The following HGD variants were observed in gnomAD, a reference collection of about 807,000 sequenced individuals.
HGD encodes the protein homogentisate oxidase.
HGD carries 61 observed loss-of-function variants against 60.8 expected under a neutral mutation model. That is an observed-to-expected ratio of 1.00 (90% CI 0.82 to 1.24). The LOEUF (loss-of-function observed/expected upper bound fraction) is 1.24, where lower values mean the gene tolerates loss of function less well. Among genes scored for constraint, HGD ranks in the 50% most tolerant of loss-of-function variants. The probability of loss-of-function intolerance (pLI) is 0.00; values close to 1 mark genes in which losing one functional copy is unlikely to be tolerated. For synonymous variants in HGD, 212 were observed against 187.7 expected (o/e 1.13, Z -1.06); for missense variants, 542 against 547.1 (o/e 0.99, Z 0.09).
intron 4 of HGD, among the ~76,000 whole-genome samples, chr3:120,664,373 ACTTTT>A (rs996835925): frequency 4.0e-5 from 6 of 149,570 alleles, no homozygotes; most frequent in East Asian, 2.0e-4. Flanking sequence ...GTAAAGATTA[ACTTTT>A]CTTTTCTCTT....
chr3:120,680,635 A>G (rs1268302808), intron 1 of HGD, among the ~76,000 whole-genome samples: 2 of 152,164 alleles, frequency 1.3e-5, no homozygotes, highest in Non-Finnish European at 2.9e-5. Flanking sequence ...TTCAACTCCT[A>G]CCACTGACAT....
chr3:120,670,267 A>C, intron 4 of HGD, 160 bp downstream of exon 4: 1 of 661,538 alleles, frequency 1.5e-6, no homozygotes, highest in Non-Finnish European at 2.7e-6. Flanking sequence ...GGACTAATAC[A>C]CCACCCAAGT....
At position 120,675,869 on chromosome 3, in the gene HGD, G is replaced by C; in HGVS notation, c.16-6C>G. The C allele has an allele frequency of 6.2e-7, 1 of 1,611,210 alleles. No homozygotes were observed. Among genetic ancestry groups the C allele is most frequent in the Non-Finnish European group, 8.5e-7 (1 of 1,177,496 alleles). ...TTCCCAAATCCAGAAATGTACTGTA[G>C]GTGACAAAGACACAAATGCCACCAT... is the stretch of plus-strand genomic sequence containing the variant. On this transcript the variant is annotated splice_region_variant and splice_polypyrimidine_tract_variant and intron_variant, in intron 1 of 13. Coordinates refer to ENST00000283871, the MANE Select transcript of HGD (RefSeq NM_000187.4).
At chr3:120,635,165 G>C (rs941997093) in intron 12 of HGD, among the ~76,000 whole-genome samples, 26 of 152,120 alleles carry the variant, frequency 1.7e-4, no homozygotes, top group Non-Finnish European at 3.2e-4. Context: ...TGGGAGGATA[G>C]ACCTTGCCTT....
rs768371363 is a variant in HGD at position 120,628,441 on chromosome 3, C to A, written c.1277G>T (p.Cys426Phe). 3 of 1,614,044 alleles carry A rather than the reference C, an allele frequency of 1.9e-6. No individual in the cohort carries two copies. The highest frequency in any genetic ancestry group is 1.7e-6 in the Non-Finnish European group (2 of 1,179,976). The change falls in exon 14 of 14, where the codon TGC becomes TTC. Residue 426 changes from cysteine (C) to phenylalanine (F), a missense_variant. Physicochemically the swap from Cys to Phe is radical, Grantham distance 205. Around this residue, in one of 2 missense-constraint regions of HGD, gnomAD observed 537 missense variants for 529.1 expected, o/e 1.01. Coordinates refer to ENST00000283871, the MANE Select transcript of HGD (RefSeq NM_000187.4). ...GAAGTGGCTCTTGAGTGGCTCCCAG[C>A]ACTTGTGGTAGTTCTCATCCAAACA... is the stretch of plus-strand genomic sequence containing the variant. ...SRCLDENYHKCWEPLKSHFTP... is the reference protein window; with the variant it reads ...SRCLDENYHKFWEPLKSHFTP...
intron 4 of HGD, among the ~76,000 whole-genome samples, chr3:120,657,342 T>C (rs1941527911): frequency 6.6e-6 from 1 of 152,174 alleles, no homozygotes; most frequent in East Asian, 1.9e-4. Context: ...TGCTCAGAGA[T>C]GAAAAGAAAA....
intron 4 of HGD, among the ~76,000 whole-genome samples, chr3:120,670,120 G>A (rs531375892): frequency 6.6e-6 from 1 of 152,208 alleles, no homozygotes; most frequent in African/African-American, 2.4e-5. Flanking sequence ...TATGAAGAAG[G>A]ATGTGTTTGC....
chr3:120,644,955 C>T (rs1374104335), intron 9 of HGD, among the ~76,000 whole-genome samples: 2 of 152,186 alleles, frequency 1.3e-5, no homozygotes, highest in African/African-American at 4.8e-5. Flanking sequence ...CTGTCTGCCA[C>T]TCAGGAAGAA....
intron 12 of HGD, among the ~76,000 whole-genome samples, chr3:120,637,149 A>T (rs1258699257): frequency 6.6e-6 from 1 of 152,182 alleles, no homozygotes; most frequent in African/African-American, 2.4e-5. Context: ...TATTAAAAGC[A>T]TGCTATATAT....
At chr3:120,629,861 A>G (rs1481478503) in intron 13 of HGD, among the ~76,000 whole-genome samples, 1 of 152,250 alleles carries the variant, frequency 6.6e-6, no homozygotes, top group Non-Finnish European at 1.5e-5. Context: ...ACCTGATTCT[A>G]TATCTAGAAA....
chr3:120,643,606 A>T (rs1941063375), intron 10 of HGD, among the ~76,000 whole-genome samples: 1 of 152,262 alleles, frequency 6.6e-6, no homozygotes, highest in Admixed American at 6.5e-5. Flanking sequence ...CCTAAGAAGA[A>T]TAACATACCT....
intron 12 of HGD, 31 bp downstream of exon 12, chr3:120,638,424 G>C: frequency 6.2e-7 from 1 of 1,613,142 alleles, no homozygotes; most frequent in Non-Finnish European, 8.5e-7. Context: ...TCTTTGGCTT[G>C]CAAATGTGGC....
intron 4 of HGD, 94 bp downstream of exon 4, chr3:120,670,333 A>C (rs947806964): frequency 1.3e-6 from 1 of 769,726 alleles, no homozygotes; most frequent in East Asian, 2.4e-5. Flanking sequence ...TTAAAAAACT[A>C]TCTATTTTTT....
chr3:120,647,760 A>T lies in HGD; in HGVS notation c.469+117T>A, dbSNP rs1348096318. 8.9e-6 allele frequency: 8 copies of T among 900,316 alleles called. No homozygotes were observed. The Middle Eastern group carries it at 6.4e-4, about 73-fold the overall frequency. The allele number at this position is 900,316 out of a possible 1,614,324, so 55.8% of individuals were successfully genotyped here. On this transcript the variant is annotated intron_variant, in intron 7 of 13. Coordinates refer to ENST00000283871, the MANE Select transcript of HGD (RefSeq NM_000187.4). ...CTCTAGACCTCAGTCTCTGGATTGC[A>T]CTAAATGAAATAAGACAGATTGGAG...
chr3:120,681,986 T>G, intron 1 of HGD, 111 bp downstream of exon 1: 1 of 984,228 alleles, frequency 1.0e-6, no homozygotes, highest in Non-Finnish European at 1.6e-6. Context: ...CACAGGGGTT[T>G]GAACCAGGGC....
intron 4 of HGD, among the ~76,000 whole-genome samples, chr3:120,665,473 ATTAGT>A (rs1707878148): frequency 6.6e-6 from 1 of 152,246 alleles, no homozygotes; most frequent in South Asian, 2.1e-4. Flanking sequence ...TTGGATGTAG[ATTAGT>A]TCATTAAATT....
chr3:120,634,349 T>C (rs1940691026), intron 12 of HGD, among the ~76,000 whole-genome samples: 1 of 152,192 alleles, frequency 6.6e-6, no homozygotes, highest in African/African-American at 2.4e-5. Flanking sequence ...AATAAAGCTC[T>C]TTATTAGAGT....
intron 1 of HGD, chr3:120,677,919 G>A (rs567885802): frequency 6.6e-6 from 1 of 152,348 alleles, no homozygotes; most frequent in East Asian, 1.9e-4. Flanking sequence ...TATTGGGGCA[G>A]GTTCCCTGAT....
chr3:120,666,466 A>G (rs1038293801), intron 4 of HGD, among the ~76,000 whole-genome samples: 5 of 152,074 alleles, frequency 3.3e-5, no homozygotes, highest in African/African-American at 7.2e-5. Flanking sequence ...GAAACTTCCA[A>G]TGCAGCTATT....
Sources: gnomAD v4.1 joint callset for allele counts (sites outside exome capture counted in the v4.1 genomes callset) on GRCh38, gnomAD v4.1.1 for gene constraint, gnomAD v4.1.1 regional missense constraint, MANE v1.5 for transcripts, NCBI Gene and HGNC (gene_info 2026-07-23, HGNC 2026-07-21) for gene names.